Variants in PHACTR3 observed in about 807,000 individuals in gnomAD.
PHACTR3 encodes the protein phosphatase and actin regulator 3, also known as protein phosphatase 1, regulatory subunit 123.
In PHACTR3, 16 loss-of-function variants were observed where a neutral mutation model predicts 66.8. The observed-to-expected ratio is 0.24, with a 90% CI of 0.16 to 0.36. The LOEUF is 0.36. Ranked by LOEUF, PHACTR3 falls within the 10% of genes least tolerant of loss-of-function variation. The pLI, the probability that PHACTR3 is intolerant of heterozygous loss-of-function variation, is 1.00. For synonymous variants in PHACTR3, 323 were observed against 292.1 expected (o/e 1.11, Z -1.08); for missense variants, 647 against 719.9 (o/e 0.90, Z 1.16).
At chr20:59,607,170 G>C (rs2033699742) in intron 1 of PHACTR3, among the ~76,000 whole-genome samples, 1 of 152,150 alleles carries the variant, frequency 6.6e-6, no homozygotes, top group South Asian at 2.1e-4. Flanking sequence ...GTGCATACTT[G>C]TCTTTGGGCA....
At chr20:59,746,479 C>T (rs1012049779) in intron 2 of PHACTR3, among the ~76,000 whole-genome samples, 6 of 152,264 alleles carry the variant, frequency 3.9e-5, no homozygotes, top group African/African-American at 1.4e-4. Flanking sequence ...ATAGATTGAA[C>T]ACCTGATCAC....
chr20:59,622,992 A>AAAAAAAAAAAAAAAAAAAAAAAAAAC (rs1371507011), intron 1 of PHACTR3, among the ~76,000 whole-genome samples: 1 of 145,178 alleles, frequency 6.9e-6, no homozygotes, highest in Non-Finnish European at 1.5e-5. Flanking sequence ...AAAAAAAAAA[A>AAAAAAAAAAAAAAAAAAAAAAAAAAC]AAAAAAAAAC....
intron 1 of PHACTR3, among the ~76,000 whole-genome samples, chr20:59,672,826 C>T (rs1237772150): frequency 6.6e-6 from 1 of 152,190 alleles, no homozygotes; most frequent in Non-Finnish European, 1.5e-5. Flanking sequence ...TAGGAAGTTG[C>T]CTGTGGTTGC....
intron 5 of PHACTR3, among the ~76,000 whole-genome samples, chr20:59,770,864 G>A (rs1000177004): frequency 2.0e-5 from 3 of 152,168 alleles, no homozygotes; most frequent in African/African-American, 7.2e-5. Context: ...TGGTCCAGTT[G>A]GTAACGCTCA....
intron 8 of PHACTR3, chr20:59,836,207 C>T: frequency 3.2e-6 from 1 of 314,426 alleles, no homozygotes; most frequent in Non-Finnish European, 5.7e-6. Flanking sequence ...CTCCGGTGAA[C>T]AGTCCAGACC....
chr20:59,753,476 G>A (rs1322575331), intron 3 of PHACTR3, among the ~76,000 whole-genome samples: 2 of 152,226 alleles, frequency 1.3e-5, no homozygotes, highest in Admixed American at 6.5e-5. Context: ...TCTGGAGGGA[G>A]AAACGGTTCT....
intron 1 of PHACTR3, among the ~76,000 whole-genome samples, chr20:59,641,489 G>A (rs1488963490): frequency 6.6e-6 from 1 of 152,224 alleles, no homozygotes; most frequent in East Asian, 1.9e-4. Context: ...CTCGAAGACA[G>A]ATAGAGAGAA....
At chr20:59,584,584 T>C (rs929045378) in intron 1 of PHACTR3, among the ~76,000 whole-genome samples, 1 of 152,166 alleles carries the variant, frequency 6.6e-6, no homozygotes, top group South Asian at 2.1e-4. Flanking sequence ...CATGTATATA[T>C]GGATGCGATC....
At chr20:59,801,528 TG>T (rs1415185286) in intron 7 of PHACTR3, among the ~76,000 whole-genome samples, 3 of 152,210 alleles carry the variant, frequency 2.0e-5, no homozygotes, top group Non-Finnish European at 4.4e-5. Flanking sequence ...GCTCTGCTAT[TG>T]GGTGTCCCCA....
chr20:59,654,391 T>C (rs2035550724), intron 1 of PHACTR3, among the ~76,000 whole-genome samples: 1 of 152,144 alleles, frequency 6.6e-6, no homozygotes, highest in African/African-American at 2.4e-5. Flanking sequence ...ATAACAGGTG[T>C]AGGCAATTAT....
intron 8 of PHACTR3, among the ~76,000 whole-genome samples, chr20:59,818,611 T>G (rs2041947050): frequency 6.6e-6 from 1 of 152,204 alleles, no homozygotes; most frequent in Admixed American, 6.5e-5. Context: ...GTCCCTAGAA[T>G]GGTACTGAGT....
At chr20:59,589,736 T>G (rs2033136173) in intron 1 of PHACTR3, among the ~76,000 whole-genome samples, 1 of 152,188 alleles carries the variant, frequency 6.6e-6, no homozygotes, top group Non-Finnish European at 1.5e-5. Flanking sequence ...AAGGAGAACA[T>G]GTTTGGGTGA....
Position 59,828,508 on chromosome 20 carries a change from G to GT in PHACTR3, c.1329-7990dup, listed in dbSNP as rs879582379. 9.9e-5 allele frequency among the ~76,000 whole-genome samples: 15 copies of GT among 152,222 alleles called. No individual in the cohort carries two copies. The East Asian group carries it at 1.5e-3, about 16-fold the overall frequency. On this transcript the variant is annotated intron_variant, in intron 8 of 12. Coordinates refer to ENST00000371015, the MANE Select transcript of PHACTR3 (RefSeq NM_080672.5). ...TATATTGCAGATAGGGTGTTATGTT[G>GT]TTTTTTTGGTTATGCGTGTCAGGGA...
chr20:59,755,482 T>C, intron 4 of PHACTR3, 118 bp downstream of exon 4: 1 of 1,204,458 alleles, frequency 8.3e-7, no homozygotes, highest in Non-Finnish European at 1.1e-6. Flanking sequence ...TCCAGAGAGC[T>C]GGGCCCGTGC....
intron 1 of PHACTR3, among the ~76,000 whole-genome samples, chr20:59,656,118 G>C (rs2035612041): frequency 2.0e-5 from 3 of 151,986 alleles, no homozygotes; most frequent in Middle Eastern, 3.4e-3. Context: ...GTATTCTGCT[G>C]TTTCTGGGTA....
intron 8 of PHACTR3, among the ~76,000 whole-genome samples, chr20:59,823,332 G>T (rs1287702508): frequency 1.3e-5 from 2 of 152,078 alleles, no homozygotes; most frequent in Non-Finnish European, 2.9e-5. Context: ...CATGTGCTGT[G>T]CCCAGCTCGG....
chr20:59,786,053 C>T (rs2040903588), intron 7 of PHACTR3, among the ~76,000 whole-genome samples: 1 of 152,242 alleles, frequency 6.6e-6, no homozygotes, highest in Non-Finnish European at 1.5e-5. Context: ...ATATCCTTCC[C>T]CTGTGATGCT....
intron 7 of PHACTR3, among the ~76,000 whole-genome samples, chr20:59,788,323 C>T (rs934182692): frequency 9.9e-5 from 15 of 152,176 alleles, no homozygotes; most frequent in African/African-American, 2.9e-4. Flanking sequence ...CCTGCCTGGG[C>T]GCTTCCCTTT....
intron 1 of PHACTR3, among the ~76,000 whole-genome samples, chr20:59,657,183 C>G (rs142600987): frequency 0.012 from 1,775 of 152,028 alleles, 38 homozygotes; most frequent in African/African-American, 0.039. Context: ...CATCTTTGCT[C>G]CCATATACTT....
Sources: gnomAD v4.1 joint callset for allele counts (sites outside exome capture counted in the v4.1 genomes callset) on GRCh38, gnomAD v4.1.1 for gene constraint, MANE v1.5 for transcripts, NCBI Gene and HGNC (gene_info 2026-07-23, HGNC 2026-07-21) for gene names.